CCSER1: variants seen among roughly 807,000 people sequenced by gnomAD.
The protein encoded by CCSER1 is coiled-coil serine rich protein 1.
Under a neutral mutation model 82.0 loss-of-function variants are expected in CCSER1, and 41 were observed. That is an observed-to-expected ratio of 0.50 (90% CI 0.39 to 0.65). The LOEUF is 0.65. CCSER1 is among the 30% of genes least tolerant of loss of function. The probability of loss-of-function intolerance (pLI) is 0.00; values close to 1 mark genes in which losing one functional copy is unlikely to be tolerated. For missense variants in CCSER1, 1,119 were observed against 1,064.2 expected (o/e 1.05, Z -0.72); for synonymous variants, 414 against 383.9 (o/e 1.08, Z -0.92).
At chr4:91,268,494 G>A (rs1741772125) in intron 10 of CCSER1, among the ~76,000 whole-genome samples, 1 of 152,060 alleles carries the variant, frequency 6.6e-6, no homozygotes, top group Non-Finnish European at 1.5e-5. Context: ...ATCACTTTAT[G>A]GTCTCAGTTT....
intron 9 of CCSER1, among the ~76,000 whole-genome samples, chr4:90,938,985 C>A (rs557977209): frequency 3.3e-5 from 5 of 152,054 alleles, no homozygotes; most frequent in African/African-American, 1.2e-4. Flanking sequence ...TTAAAAAATT[C>A]TTTCTATATG....
rs537213633 is a variant in CCSER1, at chr4:91,206,766, C to T, written c.2217+120772C>T. On this transcript the variant is annotated intron_variant, in intron 10 of 10. Transcript: ENST00000509176. ...ACAAAGGCCATAGTAGACAGCCAGA[C>T]TCTGTCCTGTTTCACAAGAGATACG... Among the ~76,000 whole-genome samples, 8 of 151,972 alleles carry T rather than the reference C, an allele frequency of 5.3e-5. No homozygotes were observed. The South Asian group carries it at 1.7e-3, about 32-fold the overall frequency.
chr4:91,096,165 G>T (rs2148838397), intron 10 of CCSER1, among the ~76,000 whole-genome samples: 1 of 152,264 alleles, frequency 6.6e-6, no homozygotes, highest in East Asian at 1.9e-4. Context: ...CCAGCATATT[G>T]CTGCTTTCTC....
chr4:90,480,221 G>T (rs918456922), intron 5 of CCSER1, among the ~76,000 whole-genome samples: 6 of 152,110 alleles, frequency 3.9e-5, no homozygotes, highest in African/African-American at 1.4e-4. Context: ...TTTTGATGGG[G>T]TTGTTTGTTT....
At chr4:91,532,298 A>G (rs1578714690) in intron 10 of CCSER1, among the ~76,000 whole-genome samples, 1 of 152,346 alleles carries the variant, frequency 6.6e-6, no homozygotes, top group East Asian at 1.9e-4. Context: ...TTCTAACTAG[A>G]AAAAGACGCA....
intron 1 of CCSER1, among the ~76,000 whole-genome samples, chr4:90,228,052 G>C (rs1216209213): frequency 1.3e-5 from 2 of 152,126 alleles, no homozygotes; most frequent in African/African-American, 4.8e-5. Flanking sequence ...GGGGAGGGGC[G>C]CCCGCCATTG....
At chr4:90,713,609 T>A (rs1036746224) in intron 6 of CCSER1, among the ~76,000 whole-genome samples, 2 of 151,834 alleles carry the variant, frequency 1.3e-5, no homozygotes, top group Non-Finnish European at 2.9e-5. Context: ...GAGAGTCTGA[T>A]GGCTATGTGT....
chr4:91,472,657 A>G (rs938691933), intron 10 of CCSER1, among the ~76,000 whole-genome samples: 3 of 152,210 alleles, frequency 2.0e-5, no homozygotes, highest in Non-Finnish European at 2.9e-5. Context: ...TAGTACCAAG[A>G]CAGTTTCATA....
intron 5 of CCSER1, among the ~76,000 whole-genome samples, chr4:90,562,252 G>A (rs1168754404): frequency 6.6e-6 from 1 of 150,708 alleles, no homozygotes; most frequent in Non-Finnish European, 1.5e-5. Flanking sequence ...GTAGCATACT[G>A]TGTACTCTCC....
intron 6 of CCSER1, among the ~76,000 whole-genome samples, chr4:90,672,497 T>C (rs11097258): frequency 0.46 from 69,789 of 151,880 alleles, 16,440 homozygotes; most frequent in Middle Eastern, 0.58. Flanking sequence ...GGGAATGTTA[T>C]GGCTGGTTTG....
intron 8 of CCSER1, among the ~76,000 whole-genome samples, chr4:90,818,882 A>T (rs1405907625): frequency 1.3e-5 from 2 of 152,172 alleles, no homozygotes; most frequent in Admixed American, 6.5e-5. Context: ...CCCAGGAAAA[A>T]AACAAAAAAC....
At chr4:90,924,417 A>G (rs1021361677) in intron 9 of CCSER1, among the ~76,000 whole-genome samples, 3 of 152,112 alleles carry the variant, frequency 2.0e-5, no homozygotes, top group African/African-American at 7.2e-5. Context: ...GAATCACTGC[A>G]CAAATTGTTT....
At chr4:90,768,919 T>C (rs1751665646) in intron 7 of CCSER1, among the ~76,000 whole-genome samples, 1 of 152,186 alleles carries the variant, frequency 6.6e-6, no homozygotes, top group Admixed American at 6.5e-5. Flanking sequence ...TTGAAAATTC[T>C]CAGCCTCTCT....
chr4:91,516,202 C>G (rs1760111400), intron 10 of CCSER1, among the ~76,000 whole-genome samples: 1 of 152,054 alleles, frequency 6.6e-6, no homozygotes, highest in Non-Finnish European at 1.5e-5. Context: ...TGCAGAAGCT[C>G]TTAAGTTTAA....
chr4:90,928,613 T>G lies in CCSER1; in HGVS notation c.2172+5166T>G, dbSNP rs908701874. On this transcript the variant is annotated intron_variant, in intron 9 of 10. Transcript: ENST00000509176. Reference sequence around the variant, plus strand: ...AAATAGCACAGAGAAAGAATAATTCTAAGTGTATAGTGGGAGGGTCAAGAC... The same window carrying G: ...AAATAGCACAGAGAAAGAATAATTCGAAGTGTATAGTGGGAGGGTCAAGAC... 2.0e-5 allele frequency among the ~76,000 whole-genome samples: 3 copies of G among 152,202 alleles called. No individual in the cohort carries two copies. In the East Asian group the frequency reaches 5.8e-4, roughly 29 times the overall value.
intron 10 of CCSER1, among the ~76,000 whole-genome samples, chr4:91,199,527 GTAAAAT>G (rs1019118722): frequency 3.3e-5 from 5 of 151,898 alleles, no homozygotes; most frequent in African/African-American, 1.2e-4. Context: ...GACATTAAAG[GTAAAAT>G]TAAAATTAAT....
chr4:90,208,617 C>G (rs1004336781), intron 1 of CCSER1, among the ~76,000 whole-genome samples: 1 of 152,050 alleles, frequency 6.6e-6, no homozygotes, highest in Non-Finnish European at 1.5e-5. Context: ...TGCTTGAAAC[C>G]CAGGTCCCTG....
intron 5 of CCSER1, among the ~76,000 whole-genome samples, chr4:90,493,753 C>T (rs944864155): frequency 6.6e-6 from 1 of 152,164 alleles, no homozygotes; most frequent in Non-Finnish European, 1.5e-5. Context: ...CCTAAAAGAG[C>T]TCCTGAAGGA....
At chr4:90,649,600 C>T (rs1481735460) in intron 6 of CCSER1, 1 of 152,198 alleles carries the variant, frequency 6.6e-6, no homozygotes, top group Non-Finnish European at 1.5e-5. Flanking sequence ...GCCCCTTCAT[C>T]TTGGATTTCC....
Sources: gnomAD v4.1 joint callset for allele counts (sites outside exome capture counted in the v4.1 genomes callset) on GRCh38, gnomAD v4.1.1 for gene constraint, MANE v1.5 for transcripts, NCBI Gene and HGNC (gene_info 2026-07-23, HGNC 2026-07-21) for gene names.